Variants in APBA2 observed in about 807,000 individuals in gnomAD.
The protein encoded by APBA2 is amyloid beta precursor protein binding family A member 2.
APBA2 carries 30 observed loss-of-function variants against 75.0 expected under a neutral mutation model. The observed-to-expected ratio is 0.40, with a 90% CI of 0.30 to 0.54. APBA2 has a LOEUF of 0.54. APBA2 is among the 20% of genes least tolerant of loss of function. The probability of loss-of-function intolerance (pLI) is 0.49; values close to 1 mark genes in which losing one functional copy is unlikely to be tolerated. For synonymous variants in APBA2, 444 were observed against 409.6 expected (o/e 1.08, Z -1.01); for missense variants, 801 against 1,016.1 (o/e 0.79, Z 2.88).
At chr15:29,103,616 G>T (rs193098710) in intron 10 of APBA2, among the ~76,000 whole-genome samples, 2 of 152,202 alleles carry the variant, frequency 1.3e-5, no homozygotes, top group Non-Finnish European at 2.9e-5. Flanking sequence ...CCGCGGAGCC[G>T]GCTCCCCGGG....
intron 2 of APBA2, among the ~76,000 whole-genome samples, chr15:28,978,420 G>A (rs1490197461): frequency 1.3e-5 from 2 of 152,326 alleles, no homozygotes; most frequent in East Asian, 1.9e-4. Flanking sequence ...AGCTAAGGGG[G>A]TGAGGCTTGC....
At chr15:29,065,327 C>T (rs892401326) in intron 4 of APBA2, among the ~76,000 whole-genome samples, 3 of 152,130 alleles carry the variant, frequency 2.0e-5, no homozygotes, top group Non-Finnish European at 4.4e-5. Context: ...GAAGAAAGAT[C>T]GCATGGCTGA....
intron 2 of APBA2, among the ~76,000 whole-genome samples, chr15:28,957,765 G>A (rs74805685): frequency 6.6e-6 from 1 of 152,192 alleles, no homozygotes; most frequent in African/African-American, 2.4e-5. Context: ...CTGTGCATCA[G>A]GTTCGGGGTG....
intron 2 of APBA2, among the ~76,000 whole-genome samples, chr15:28,965,844 A>G (rs923203552): frequency 1.3e-5 from 2 of 152,178 alleles, no homozygotes; most frequent in South Asian, 2.1e-4. Context: ...ACTGAACTAT[A>G]TGTTTTCCTC....
chr15:28,995,426 T>A (rs1380119723), intron 2 of APBA2, among the ~76,000 whole-genome samples: 1 of 152,122 alleles, frequency 6.6e-6, no homozygotes, highest in African/African-American at 2.4e-5. Flanking sequence ...AGCTTTGTTG[T>A]GGGAAAATAC....
At chr15:29,077,729 G>A (rs1041793295) in intron 6 of APBA2, among the ~76,000 whole-genome samples, 9 of 152,298 alleles carry the variant, frequency 5.9e-5, no homozygotes, top group Admixed American at 4.6e-4. Flanking sequence ...TTCTTCTGTA[G>A]GAGAGAAGCC....
chr15:28,984,473 A>T (rs1369190623), intron 2 of APBA2, among the ~76,000 whole-genome samples: 7 of 152,080 alleles, frequency 4.6e-5, no homozygotes, highest in African/African-American at 1.7e-4. Flanking sequence ...GTTCTGAGCC[A>T]GTATCAGCTT....
chr15:29,081,204 G>A (rs2043069886), intron 6 of APBA2, among the ~76,000 whole-genome samples: 1 of 152,180 alleles, frequency 6.6e-6, no homozygotes, highest in Non-Finnish European at 1.5e-5. Flanking sequence ...GGGTGAACCT[G>A]TTCAGATAAG....
intron 9 of APBA2, among the ~76,000 whole-genome samples, chr15:29,099,133 G>A (rs1282115005): frequency 6.6e-6 from 1 of 152,146 alleles, no homozygotes; most frequent in Non-Finnish European, 1.5e-5. Context: ...CTCAGGCACT[G>A]GGCTTGCGAC....
At chr15:29,104,868 A>G (rs2044317279) in intron 10 of APBA2, among the ~76,000 whole-genome samples, 1 of 152,130 alleles carries the variant, frequency 6.6e-6, no homozygotes, top group Non-Finnish European at 1.5e-5. Flanking sequence ...AGGATCACTT[A>G]TGTCCAGGAG....
At chr15:29,061,046 C>G (rs994491464) in intron 4 of APBA2, among the ~76,000 whole-genome samples, 2 of 152,134 alleles carry the variant, frequency 1.3e-5, no homozygotes, top group Non-Finnish European at 2.9e-5. Context: ...AGTGCTTTCC[C>G]TGGGGCAACT....
chr15:28,917,719 T>C (rs2152662828), intron 1 of APBA2, among the ~76,000 whole-genome samples: 2 of 152,350 alleles, frequency 1.3e-5, no homozygotes, highest in South Asian at 4.1e-4. Flanking sequence ...TTGTATATTT[T>C]ATGAGTTTTG....
intron 12 of APBA2, among the ~76,000 whole-genome samples, chr15:29,107,919 C>A (rs1294912166): frequency 6.6e-6 from 1 of 152,182 alleles, no homozygotes; most frequent in African/African-American, 2.4e-5. Context: ...ATGATGGCCC[C>A]CTCGACACCC....
chr15:28,890,441 C>T (rs2032058558), intron 1 of APBA2, among the ~76,000 whole-genome samples: 1 of 152,232 alleles, frequency 6.6e-6, no homozygotes, highest in Admixed American at 6.5e-5. Context: ...TCCCTTCCCA[C>T]TCCATCTGGA....
chr15:29,105,395 A>G lies in APBA2; in HGVS notation c.1541A>G (p.Gln514Arg). 3 of 1,612,224 alleles carry G rather than the reference A, an allele frequency of 1.9e-6. No individual in the cohort carries two copies. Among genetic ancestry groups the G allele is most frequent in the Non-Finnish European group, 2.5e-6 (3 of 1,179,960 alleles). The change falls in exon 11 of 15, where the codon CAG becomes CGG. Residue 514 changes from glutamine (Q) to arginine (R), a missense_variant. Physicochemically the swap from Gln to Arg is conservative, Grantham distance 43. Around this residue, in one of 2 missense-constraint regions of APBA2, gnomAD observed 367 missense variants for 544.5 expected, o/e 0.67. Transcript: ENST00000683413. The part of the protein sequence containing the change: ...FESEDAQLIA[Q>R]SIGQAFSVAY... ...TCTGCACAGGCCCAGCTCATCGCCC[A>G]GTCTATCGGCCAGGCCTTCAGCGTG...
chr15:29,111,752 C>T (rs77951246), intron 13 of APBA2, among the ~76,000 whole-genome samples: 2 of 152,104 alleles, frequency 1.3e-5, no homozygotes, highest in Non-Finnish European at 2.9e-5. Flanking sequence ...GCCACTTGTG[C>T]CCCTGCAGGC....
intron 2 of APBA2, among the ~76,000 whole-genome samples, chr15:28,989,143 G>A (rs1393027032): frequency 6.6e-6 from 1 of 151,726 alleles, no homozygotes; most frequent in Non-Finnish European, 1.5e-5. Context: ...CTTTTTTTCT[G>A]TTTTCTTATT....
intron 3 of APBA2, among the ~76,000 whole-genome samples, chr15:29,050,028 A>G (rs1566945766): frequency 6.6e-6 from 1 of 152,216 alleles, no homozygotes; most frequent in Admixed American, 6.5e-5. Context: ...AATCTCACAT[A>G]AAATTAATGA....
chr15:29,054,522 G>A lies in APBA2; in HGVS notation c.638G>A (p.Arg213Lys). ...ACCGGCGCCTCCCCCTACCGCCTGAGGCGTGGGGATGGGGACCTGGAGGAC... is the reference window on the plus strand; with the variant it reads ...ACCGGCGCCTCCCCCTACCGCCTGAAGCGTGGGGATGGGGACCTGGAGGAC... ...GNTGASPYRLRRGDGDLEDQE... is the reference protein window; with the variant it reads ...GNTGASPYRLKRGDGDLEDQE... The change falls in exon 4 of 15, where the codon AGG becomes AAG. Residue 213 changes from arginine (R) to lysine (K), a missense_variant. Around this residue, in one of 2 missense-constraint regions of APBA2, gnomAD observed 434 missense variants for 471.6 expected, o/e 0.92. Transcript: ENST00000683413. The surrounding 1 kb of genome is among the most constrained non-coding windows in gnomAD (Gnocchi z 6.1). 6.2e-7 allele frequency: 1 copy of A among 1,613,434 alleles called. No individual in the cohort carries two copies. The highest frequency in any genetic ancestry group is 8.5e-7 in the Non-Finnish European group (1 of 1,179,722).
Sources: gnomAD v4.1 joint callset for allele counts (sites outside exome capture counted in the v4.1 genomes callset) on GRCh38, gnomAD v4.1.1 for gene constraint, gnomAD v4.1.1 regional missense constraint, Gnocchi (gnomAD v3.1) non-coding constraint, MANE v1.5 for transcripts, NCBI Gene and HGNC (gene_info 2026-07-23, HGNC 2026-07-21) for gene names.